ERCC4: variants seen among roughly 807,000 people sequenced by gnomAD.
ERCC4 encodes the protein ERCC excision repair 4, endonuclease catalytic subunit.
ERCC4 carries 65 observed loss-of-function variants against 76.9 expected under a neutral mutation model. The observed-to-expected ratio is 0.84, with a 90% CI of 0.69 to 1.04. The LOEUF (loss-of-function observed/expected upper bound fraction) is 1.04, where lower values mean the gene tolerates loss of function less well. ERCC4 is among the 50% of genes least tolerant of loss of function. The pLI, the probability that ERCC4 is intolerant of heterozygous loss-of-function variation, is 0.00. For synonymous variants in ERCC4, 463 were observed against 410.1 expected, an observed-to-expected ratio of 1.13 and a Z score of -1.56; for missense variants, 1,214 against 1,128.2, an observed-to-expected ratio of 1.08 and a Z score of -1.09.
intron 7 of ERCC4, chr16:13,934,526 T>C: frequency 2.0e-6 from 1 of 510,462 alleles, no homozygotes; most frequent in Non-Finnish European, 3.5e-6. Flanking sequence ...GATGTTGTTT[T>C]CTCCAGGTTG....
chr16:13,935,182 G>A lies in ERCC4; in HGVS notation c.1250G>A (p.Cys417Tyr). Residue 417 changes from cysteine to tyrosine, a missense_variant, in exon 8 of 11, where the codon TGT becomes TAT. Coordinates refer to ENST00000311895, the MANE Select transcript of ERCC4 (RefSeq NM_005236.3). ...VLICASDDRT[C>Y]SQLRDYITLG... ...ATTTGTGCAAGTGATGACCGAACAT[G>A]TTCCCAGCTGAGAGACTATATCACT... 1.9e-6 allele frequency: 3 copies of A among 1,614,130 alleles called. No individual in the cohort carries two copies. The South Asian group carries it at 3.3e-5, about 18-fold the overall frequency.
At chr16:13,927,632 C>T in intron 3 of ERCC4, 1 of 181,408 alleles carries the variant, frequency 5.5e-6, no homozygotes, top group Non-Finnish European at 1.1e-5. Context: ...TAGGAGTCAA[C>T]AAACTCTTCA....
At chr16:13,931,573 C>A (rs1045839486) in intron 5 of ERCC4, 1 of 156,534 alleles carries the variant, frequency 6.4e-6, no homozygotes, top group East Asian at 1.8e-4. Context: ...ATGGAGCATT[C>A]TTATGTAAAA....
At chr16:13,941,162 A>C (rs1367279971) in intron 9 of ERCC4, among the ~76,000 whole-genome samples, 1 of 152,250 alleles carries the variant, frequency 6.6e-6, no homozygotes, top group Non-Finnish European at 1.5e-5. Context: ...CTCACTCAGC[A>C]GAACCTGGAT....
At chr16:13,926,877 A>T (rs1036207235) in intron 3 of ERCC4, 121 bp downstream of exon 3, 1 of 821,986 alleles carries the variant, frequency 1.2e-6, no homozygotes, top group Admixed American at 2.0e-5. Flanking sequence ...ATTTTGTTTG[A>T]TAGAACCTAG....
rs1254687601 is a variant in ERCC4 at position 13,947,747 on chromosome 16, C to G, written c.2151C>G (p.Ile717Met). 1.9e-6 allele frequency: 3 copies of G among 1,614,224 alleles called. No individual in the cohort carries two copies. Among genetic ancestry groups the G allele is most frequent in the Non-Finnish European group, 2.5e-6 (3 of 1,180,040 alleles). Residue 717 changes from isoleucine (I) to methionine (M), a missense_variant, in exon 11 of 11, where the codon ATC becomes ATG. Ile to Met is a conservative substitution (Grantham distance 10). Transcript: ENST00000311895. ...EPVTLEVGDY[I>M]LTPEMCVERK... The stretch of plus-strand genomic sequence containing the variant: ...TGACTTTAGAGGTTGGAGATTACAT[C>G]CTCACTCCAGAAATGTGCGTGGAGC...
At position 13,948,963 on chromosome 16, in the gene ERCC4, C is replaced by T. The variant is rs536781995; in HGVS notation, c.*616C>T. On this transcript the variant is annotated 3_prime_UTR_variant, in exon 11 of 11. Transcript: ENST00000311895. ...CTCTTTGCCATTCCTGACCAGTTCTCTCTACCACATTTTCTTCAGCTCCAT... is the reference window on the plus strand; with the variant it reads ...CTCTTTGCCATTCCTGACCAGTTCTTTCTACCACATTTTCTTCAGCTCCAT... 2 of 232,748 alleles carry T rather than the reference C, an allele frequency of 8.6e-6. No homozygotes were observed. Among genetic ancestry groups the T allele is most frequent in the South Asian group, 3.6e-4 (2 of 5,528 alleles). The allele number at this position is 232,748 out of a possible 1,614,324, so 14.4% of individuals were successfully genotyped here. A position where few individuals can be genotyped will look rare whatever the true frequency, so the allele number is the denominator to read the frequency against.
Position 13,935,199 on chromosome 16 carries a change from T to A in ERCC4, c.1267T>A (p.Tyr423Asn). The change falls in exon 8 of 11, where the codon TAT becomes AAT. Residue 423 changes from tyrosine (Y) to asparagine (N), a missense_variant. Coordinates refer to ENST00000311895, the MANE Select transcript of ERCC4 (RefSeq NM_005236.3). Reference sequence around the variant, plus strand: ...CCGAACATGTTCCCAGCTGAGAGACTATATCACTCTTGGAGCGGAGGCCTT... The same window carrying A: ...CCGAACATGTTCCCAGCTGAGAGACAATATCACTCTTGGAGCGGAGGCCTT... Reference protein sequence around the residue: ...DDRTCSQLRDYITLGAEAFLL... With the variant: ...DDRTCSQLRDNITLGAEAFLL... The A allele has an allele frequency of 6.2e-7, 1 of 1,614,114 alleles. No individual in the cohort carries two copies.
chr16:13,937,667 T>C (rs572231391), intron 8 of ERCC4, 99 bp from the exon 9 acceptor site: 3 of 776,542 alleles, frequency 3.9e-6, no homozygotes, highest in Non-Finnish European at 7.0e-6. Context: ...ATATTTGTTA[T>C]TTGAGCGCTC....
At chr16:13,931,154 G>A in intron 5 of ERCC4, 1 of 443,284 alleles carries the variant, frequency 2.3e-6, no homozygotes, top group Non-Finnish European at 4.1e-6. Flanking sequence ...TGTAGTACAG[G>A]CAGTCCTCAA....
chr16:13,943,586 T>C (rs1163405523), intron 9 of ERCC4, among the ~76,000 whole-genome samples: 1 of 152,232 alleles, frequency 6.6e-6, no homozygotes, highest in Non-Finnish European at 1.5e-5. Flanking sequence ...TAATTCAAGA[T>C]GAGATTTGCG....
chr16:13,924,563 A>G (rs926713700), intron 2 of ERCC4, among the ~76,000 whole-genome samples: 2 of 152,214 alleles, frequency 1.3e-5, no homozygotes, highest in Non-Finnish European at 2.9e-5. Context: ...TGAATGGGAC[A>G]GTATGGTGAA....
chr16:13,940,198 C>G (rs1199140018), intron 9 of ERCC4, among the ~76,000 whole-genome samples: 2 of 152,054 alleles, frequency 1.3e-5, no homozygotes, highest in Non-Finnish European at 2.9e-5. Context: ...ACCAGCCTGG[C>G]CAACATGGTG....
rs565128075 is a variant in ERCC4, at chr16:13,929,405, CA to C, written c.792+1172del. On this transcript the variant is annotated intron_variant, in intron 4 of 10. Transcript: ENST00000311895. Reference sequence around the variant, plus strand: ...AAATAGTGTATCATTTCTTTTTCCACAAGTGTTCTGGTTTAGACAATAAACT... The same window carrying C: ...AAATAGTGTATCATTTCTTTTTCCACAGTGTTCTGGTTTAGACAATAAACT... Among the ~76,000 whole-genome samples the C allele has an allele frequency of 1.3e-3, 205 of 152,312 alleles. 1 individual carries two copies. Among genetic ancestry groups the C allele is most frequent in the African/African-American group, 4.5e-3 (189 of 41,568 alleles).
In ERCC4 at chr16:13,941,212, C is replaced by G. The variant is rs138740466; in HGVS notation, c.1904+3354C>G. Among the ~76,000 whole-genome samples, 404 of 152,292 alleles carry G rather than the reference C, an allele frequency of 2.7e-3. 1 individual carries two copies. The highest frequency in any genetic ancestry group is 9.4e-3 in the African/African-American group (392 of 41,562). Reference sequence around the variant, plus strand: ...CACATTTCAATCCATAGAAAAATTTCTGCACCAGGTTTTAACATAATTTTA... The same window carrying G: ...CACATTTCAATCCATAGAAAAATTTGTGCACCAGGTTTTAACATAATTTTA... On this transcript the variant is annotated intron_variant, in intron 9 of 10. Transcript: ENST00000311895.
chr16:13,926,513 G>T (rs369351246), intron 2 of ERCC4, 48 bp from the exon 3 acceptor site: 1 of 1,497,158 alleles, frequency 6.7e-7, no homozygotes, highest in African/African-American at 1.4e-5. Flanking sequence ...TGAATGAATG[G>T]CAATTACCTA....
Position 13,926,669 on chromosome 16 carries a change from A to T in ERCC4, c.497A>T (p.Asp166Val). ...NKRGFIKAFT[D>V]NAVAFDTGFC... is the part of the protein sequence containing the mutation. The stretch of plus-strand genomic sequence containing the variant: ...CGTGGTTTTATTAAAGCTTTCACAG[A>T]CAATGCTGTTGCCTTTGATACTGGT... The change falls in exon 3 of 11, where the codon GAC (aspartate) becomes GTC (valine). Residue 166 changes from aspartate (D) to valine (V), a missense_variant. Asp to Val is a radical substitution (Grantham distance 152). Transcript: ENST00000311895. 6.2e-7 allele frequency: 1 copy of T among 1,614,070 alleles called. No individual in the cohort carries two copies. The highest frequency in any genetic ancestry group is 8.5e-7 in the Non-Finnish European group (1 of 1,179,918).
In ERCC4 at chr16:13,922,123, T is replaced by G; in HGVS notation, c.300T>G (p.Val100=). The part of the protein sequence containing the change: ...NEITSNSRYE[V]YTQGGVIFAT... The stretch of plus-strand genomic sequence containing the variant: ...TCACAAGCAACAGTCGCTATGAAGT[T>G]TACACACAAGGTGGTGTTATATTTG... Residue 100 remains valine (V), a synonymous_variant, in exon 2 of 11, where the codon GTT becomes GTG. Coordinates refer to ENST00000311895, the MANE Select transcript of ERCC4 (RefSeq NM_005236.3). 1.2e-6 allele frequency: 2 copies of G among 1,613,774 alleles called. No individual in the cohort carries two copies. Among genetic ancestry groups the G allele is most frequent in the Non-Finnish European group, 1.7e-6 (2 of 1,179,670 alleles).
In ERCC4 at chr16:13,932,569, G is replaced by T. The variant is rs1596624377; in HGVS notation, c.1102+284G>T. On this transcript the variant is annotated intron_variant, in intron 6 of 10. Coordinates refer to ENST00000311895, the MANE Select transcript of ERCC4 (RefSeq NM_005236.3). ...TATTGATCAAAAGTATGCTACATGA[G>T]GAGCTATATATTGATTTTTTTAGAA... 26 of 526,914 alleles carry T rather than the reference G, an allele frequency of 4.9e-5. No individual in the cohort carries two copies. In the East Asian group the frequency reaches 7.8e-4, roughly 16 times the overall value. 32.6% of individuals were successfully genotyped at this position (526,914 alleles called of 1,614,324 possible). A position where few individuals can be genotyped will look rare whatever the true frequency, so the allele number is the denominator to read the frequency against.
Sources: gnomAD v4.1 joint callset for allele counts (sites outside exome capture counted in the v4.1 genomes callset) on GRCh38, gnomAD v4.1.1 for gene constraint, MANE v1.5 for transcripts, NCBI Gene and HGNC (gene_info 2026-07-23, HGNC 2026-07-21) for gene names.